Variants in ATP10B observed in about 807,000 individuals in gnomAD.
ATP10B encodes the protein phospholipid-transporting ATPase VB.
In ATP10B, 122 loss-of-function variants were observed where a neutral mutation model predicts 141.2. The observed-to-expected ratio is 0.86, with a 90% CI of 0.75 to 1.00. The LOEUF (loss-of-function observed/expected upper bound fraction) is 1.00, where lower values mean the gene tolerates loss of function less well. ATP10B is among the 50% of genes least tolerant of loss of function. The probability of loss-of-function intolerance (pLI) is 0.00; values close to 1 mark genes in which losing one functional copy is unlikely to be tolerated. For synonymous variants in ATP10B, 685 were observed against 692.0 expected (o/e 0.99, Z 0.16); for missense variants, 1,876 against 1,825.3 (o/e 1.03, Z -0.51).
chr5:160,782,653 A>G (rs1247752594), intron 2 of ATP10B, among the ~76,000 whole-genome samples: 1 of 152,190 alleles, frequency 6.6e-6, no homozygotes, highest in African/African-American at 2.4e-5. Flanking sequence ...ATCTCTGTGC[A>G]GAAGAATGTT....
At chr5:160,685,272 C>T (rs1763680670) in intron 6 of ATP10B, 1 of 571,630 alleles carries the variant, frequency 1.7e-6, no homozygotes. Context: ...TCATCTTTTA[C>T]TTGCCTTCTT....
intron 18 of ATP10B, among the ~76,000 whole-genome samples, chr5:160,611,150 T>C (rs1189361884): frequency 6.6e-6 from 1 of 152,184 alleles, no homozygotes; most frequent in Non-Finnish European, 1.5e-5. Context: ...GGTGTAGGCA[T>C]GGCTGAGGAT....
intron 2 of ATP10B, among the ~76,000 whole-genome samples, chr5:160,746,831 T>A (rs1296629885): frequency 6.6e-6 from 1 of 152,194 alleles, no homozygotes; most frequent in Non-Finnish European, 1.5e-5. Flanking sequence ...ATCTCATTCC[T>A]CAAAAGGAAA....
At chr5:160,655,764 C>T (rs190167227) in intron 7 of ATP10B, among the ~76,000 whole-genome samples, 10 of 152,250 alleles carry the variant, frequency 6.6e-5, no homozygotes, top group African/African-American at 1.9e-4. Context: ...TTCATTCATG[C>T]GTGCATTCAA....
upstream of ATP10B, among the ~76,000 whole-genome samples, chr5:160,856,638 A>ATTGTATGTAGATGATTTGAG (rs1156396285): frequency 6.6e-6 from 1 of 151,778 alleles, no homozygotes; most frequent in Non-Finnish European, 1.5e-5. Flanking sequence ...TTAGCTGTAT[A>ATTGTATGTAGATGATTTGAG]TTGTATGTAG....
intron 2 of ATP10B, among the ~76,000 whole-genome samples, chr5:160,723,783 G>C (rs1460193068): frequency 6.6e-6 from 1 of 152,062 alleles, no homozygotes. Flanking sequence ...TCTCCTACCT[G>C]ATTGCACTTT....
At chr5:160,745,829 A>G (rs552628885) in intron 2 of ATP10B, among the ~76,000 whole-genome samples, 7 of 152,366 alleles carry the variant, frequency 4.6e-5, no homozygotes, top group African/African-American at 1.7e-4. Context: ...CTCATGACCA[A>G]AGGTTGTGAA....
intron 24 of ATP10B, 56 bp from the exon 25 acceptor site, chr5:160,569,739 G>C (rs895139977): frequency 1.5e-6 from 2 of 1,371,920 alleles, no homozygotes; most frequent in African/African-American, 3.0e-5. Context: ...TAGGAGGCAG[G>C]GTGATCAAAC....
At chr5:160,663,875 A>G (rs1762145822) in intron 7 of ATP10B, among the ~76,000 whole-genome samples, 1 of 152,224 alleles carries the variant, frequency 6.6e-6, no homozygotes. Flanking sequence ...AACCTAGAGA[A>G]CAGGGTTTCT....
At chr5:160,763,151 G>A (rs978623934) in intron 2 of ATP10B, among the ~76,000 whole-genome samples, 2 of 152,030 alleles carry the variant, frequency 1.3e-5, no homozygotes, top group African/African-American at 2.4e-5. Context: ...GCACTAGACG[G>A]GACATCAAGA....
At chr5:160,812,054 GAGA>G (rs1773211380) in intron 1 of ATP10B, among the ~76,000 whole-genome samples, 1 of 150,050 alleles carries the variant, frequency 6.7e-6, no homozygotes, top group Non-Finnish European at 1.5e-5. Context: ...GAGAGAGAGA[GAGA>G]GAGGGAGAGG....
At chr5:160,781,182 T>C (rs1368143229) in intron 2 of ATP10B, among the ~76,000 whole-genome samples, 2 of 152,208 alleles carry the variant, frequency 1.3e-5, no homozygotes, top group Non-Finnish European at 2.9e-5. Context: ...ATAACATGCA[T>C]ATGAAATACA....
At chr5:160,626,552 G>A (rs753364956) in intron 13 of ATP10B, among the ~76,000 whole-genome samples, 1 of 152,148 alleles carries the variant, frequency 6.6e-6, no homozygotes, top group Non-Finnish European at 1.5e-5. Flanking sequence ...CTTAAATTCG[G>A]TACTGCCTGA....
chr5:160,653,619 ATAT>A (rs1383229908), intron 7 of ATP10B, among the ~76,000 whole-genome samples: 142 of 11,660 alleles, frequency 0.012, 5 homozygotes, highest in East Asian at 0.056. Context: ...ATATACATAT[ATAT>A]TATATATACA....
At chr5:160,593,991 C>T (rs985535774) in intron 22 of ATP10B, among the ~76,000 whole-genome samples, 1 of 152,154 alleles carries the variant, frequency 6.6e-6, no homozygotes, top group Non-Finnish European at 1.5e-5. Context: ...AGAACTTCCC[C>T]AATCTAGCAA....
chr5:160,880,685 C>T, the ATP10B span, among the ~76,000 whole-genome samples: 8 of 152,034 alleles, frequency 5.3e-5, no homozygotes, highest in Admixed American at 1.3e-4. Flanking sequence ...AAATATAATA[C>T]AATGGAACAA....
rs1561772659 is a variant in ATP10B, at chr5:160,704,916, T to TTTTTTTTTTTTTTTTTTTTTTTTTTTTC, written c.-205+11992_-205+11993insGAAAAAAAAAAAAAAAAAAAAAAAAAAA. Among the ~76,000 whole-genome samples, 65 of 123,072 alleles carry TTTTTTTTTTTTTTTTTTTTTTTTTTTTC rather than the reference T, an allele frequency of 5.3e-4. 2 individuals carry two copies. The highest frequency in any genetic ancestry group is 8.8e-4 in the Non-Finnish European group (54 of 61,036). The allele number at this position is 123,072 out of a possible 152,430, so 80.7% of individuals were successfully genotyped here. On this transcript the variant is annotated intron_variant, in intron 3 of 25. Coordinates refer to ENST00000327245, the MANE Select transcript of ATP10B (RefSeq NM_025153.3). ...CTAGCTTCCAACATTTCTTTCATCT[T>TTTTTTTTTTTTTTTTTTTTTTTTTTTTC]TTTTTTTTTTTTTTTTTTTGTTGAG...
chr5:160,584,394 G>T (rs1197616976), intron 24 of ATP10B, among the ~76,000 whole-genome samples: 2 of 152,078 alleles, frequency 1.3e-5, no homozygotes, highest in Non-Finnish European at 2.9e-5. Context: ...GAGATGAGCT[G>T]GGTACCTCAG....
chr5:160,729,423 C>T (rs1200922878), intron 2 of ATP10B, among the ~76,000 whole-genome samples: 1 of 152,092 alleles, frequency 6.6e-6, no homozygotes, highest in Admixed American at 6.5e-5. Flanking sequence ...GCTGCGCTAG[C>T]TAACAAGGAT....
Sources: allele counts gnomAD v4.1 joint callset (sites outside exome capture counted in the v4.1 genomes callset), GRCh38; gene constraint gnomAD v4.1.1; transcripts MANE v1.5; gene names NCBI Gene and HGNC (gene_info 2026-07-23, HGNC 2026-07-21).